Variants in P2RX7 observed in about 807,000 individuals in gnomAD.
The protein encoded by P2RX7 is P2X purinoceptor 7.
A neutral mutation model predicts 71.6 loss-of-function variants in P2RX7; 62 were observed. The ratio of observed to expected loss-of-function variants is 0.87; its 90% confidence interval spans 0.71 to 1.07. P2RX7 has a LOEUF of 1.07. Among genes scored for constraint, P2RX7 ranks in the 50% least tolerant of loss-of-function variants. The pLI is 0.00. For missense variants in P2RX7, 686 were observed against 748.5 expected (o/e 0.92, Z 0.97); for synonymous variants, 299 against 283.3 (o/e 1.06, Z -0.56).
At chr12:121,146,262 C>A (rs1386576082) in intron 1 of P2RX7, among the ~76,000 whole-genome samples, 1 of 150,038 alleles carries the variant, frequency 6.7e-6, no homozygotes, top group Non-Finnish European at 1.5e-5. Flanking sequence ...GTTCACATGA[C>A]CATCCTCTTA....
chr12:121,144,479 T>G (rs1277845990), intron 1 of P2RX7, among the ~76,000 whole-genome samples: 1 of 152,206 alleles, frequency 6.6e-6, no homozygotes, highest in East Asian at 1.9e-4. Context: ...ATTACAGGCA[T>G]GAGCCACTGC....
At chr12:121,162,365 G>C (rs1879902937) in intron 4 of P2RX7, 59 bp from the exon 5 acceptor site, 1 of 1,602,136 alleles carries the variant, frequency 6.2e-7, no homozygotes, top group Non-Finnish European at 8.5e-7. Context: ...CCCTCCTGGA[G>C]AACGTCCTCT....
chr12:121,155,084 C>A, intron 2 of P2RX7, 131 bp downstream of exon 2: 3 of 1,487,200 alleles, frequency 2.0e-6, no homozygotes, highest in Non-Finnish European at 2.7e-6. Context: ...CTGTGAACAT[C>A]CCAACTGAGA....
At chr12:121,151,309 G>A (rs1323720081) in intron 1 of P2RX7, among the ~76,000 whole-genome samples, 2 of 150,958 alleles carry the variant, frequency 1.3e-5, no homozygotes, top group South Asian at 2.1e-4. Context: ...GTGCAGTGGC[G>A]CCATCTCGGC....
At chr12:121,162,581 G>A (rs984369746) in intron 5 of P2RX7, 61 bp downstream of exon 5, 93 of 1,583,098 alleles carry the variant, frequency 5.9e-5, no homozygotes, top group Admixed American at 1.4e-4. Context: ...AGGCCTTGCC[G>A]AGGCTGCTTG....
intron 8 of P2RX7, among the ~76,000 whole-genome samples, chr12:121,169,214 G>A (rs1344842589): frequency 6.6e-6 from 1 of 152,162 alleles, no homozygotes; most frequent in African/African-American, 2.4e-5. Flanking sequence ...CAATCCGCCT[G>A]CCTTGGCCTC....
At chr12:121,150,421 C>T (rs918221197) in intron 1 of P2RX7, among the ~76,000 whole-genome samples, 7 of 152,274 alleles carry the variant, frequency 4.6e-5, no homozygotes, top group Admixed American at 6.5e-5. Context: ...TCCAGGAGAA[C>T]GTTGCAACAT....
intron 1 of P2RX7, among the ~76,000 whole-genome samples, chr12:121,143,677 C>G (rs1875502337): frequency 6.6e-6 from 1 of 152,004 alleles, no homozygotes; most frequent in Non-Finnish European, 1.5e-5. Flanking sequence ...GGGTGAAACC[C>G]CGTCTCTACT....
chr12:121,156,265 G>A, intron 3 of P2RX7, 118 bp downstream of exon 3: 1 of 774,220 alleles, frequency 1.3e-6, no homozygotes, highest in Non-Finnish European at 2.2e-6. Context: ...TATCTACTGA[G>A]CACCTGCCTC....
chr12:121,177,076 C>T, intron 9 of P2RX7, 71 bp from the exon 10 acceptor site: 1 of 1,356,332 alleles, frequency 7.4e-7, no homozygotes, highest in Non-Finnish European at 1.1e-6. Context: ...ATAGAACCAA[C>T]AATTGCACGT....
At chr12:121,140,991 C>A (rs866218805) in intron 1 of P2RX7, among the ~76,000 whole-genome samples, 1 of 152,056 alleles carries the variant, frequency 6.6e-6, no homozygotes, top group Admixed American at 6.6e-5. Context: ...GAGGCTGAGG[C>A]AGGAGAATCA....
At position 121,167,528 on chromosome 12, in the gene P2RX7, T is replaced by TG; in HGVS notation, c.785_786insG (p.Asp263ArgfsTer17). 4 of 1,613,872 alleles carry TG rather than the reference T, an allele frequency of 2.5e-6. No homozygotes were observed. The highest frequency in any genetic ancestry group is 3.4e-6 in the Non-Finnish European group (4 of 1,179,854). The stretch of plus-strand genomic sequence containing the variant: ...ATTGAGATCTACTGGGACTGCAACC[T>TG]AGACCGTTGGTTCCATCACTGCCGT... On this transcript the variant is annotated frameshift_variant, in exon 8 of 13. Coordinates refer to ENST00000328963, the MANE Select transcript of P2RX7 (RefSeq NM_002562.6). LOFTEE classifies it high-confidence loss of function.
chr12:121,166,266 C>T, intron 7 of P2RX7, 79 bp downstream of exon 7: 1 of 1,467,946 alleles, frequency 6.8e-7, no homozygotes, highest in Non-Finnish European at 9.3e-7. Flanking sequence ...GAGGCCGGGC[C>T]ACTGGGTCTT....
intron 1 of P2RX7, among the ~76,000 whole-genome samples, chr12:121,143,332 T>C (rs1593009993): frequency 6.6e-6 from 1 of 151,204 alleles, no homozygotes; most frequent in Non-Finnish European, 1.5e-5. Flanking sequence ...AGGCAGAGGG[T>C]GCAGTGAGCT....
chr12:121,177,244 A>G (rs771234536), intron 10 of P2RX7, 32 bp downstream of exon 10: 24 of 1,614,010 alleles, frequency 1.5e-5, no homozygotes, highest in East Asian at 6.7e-5. Flanking sequence ...GCTTTAGGAA[A>G]ATGGTTTGGA....
At chr12:121,136,023 A>AATATATATATATATATAT (rs1555222078) in intron 1 of P2RX7, among the ~76,000 whole-genome samples, 9 of 15,236 alleles carry the variant, frequency 5.9e-4, no homozygotes, top group East Asian at 3.9e-3. Flanking sequence ...AAAAAAAAAA[A>AATATATATATATATATAT]ATATATATAT....
chr12:121,137,311 C>A (rs770833776), intron 1 of P2RX7, among the ~76,000 whole-genome samples: 13 of 152,148 alleles, frequency 8.5e-5, no homozygotes, highest in Non-Finnish European at 1.9e-4. Context: ...TCAACTCCTT[C>A]ACCTTCACCT....
intron 5 of P2RX7, among the ~76,000 whole-genome samples, chr12:121,163,148 T>C (rs1451665830): frequency 6.6e-6 from 1 of 152,194 alleles, no homozygotes; most frequent in Non-Finnish European, 1.5e-5. Flanking sequence ...ATTCAATTCC[T>C]AGCTCTAACA....
In P2RX7 at chr12:121,132,975, C is replaced by T. The variant is rs750693211; in HGVS notation, c.5C>T (p.Pro2Leu). ...GCAGGGAGGGAGGCTGTCACCATGC[C>T]GGCCTGCTGCAGCTGCAGTGATGTT... M[P>L]ACCSCSDVFQ... The change falls in exon 1 of 13, where the codon CCG (proline) becomes CTG (leucine). Residue 2 changes from proline (P) to leucine (L), a missense_variant. By Grantham distance (98) the Pro-to-Leu change is moderately conservative (BLOSUM62 -3). Coordinates refer to ENST00000328963, the MANE Select transcript of P2RX7 (RefSeq NM_002562.6). 1.4e-5 allele frequency: 23 copies of T among 1,613,396 alleles called. No homozygotes were observed. The Middle Eastern group carries it at 4.9e-4, about 35-fold the overall frequency.
Sources: gnomAD v4.1 joint callset for allele counts (sites outside exome capture counted in the v4.1 genomes callset) on GRCh38, gnomAD v4.1.1 for gene constraint, MANE v1.5 for transcripts, NCBI Gene and HGNC (gene_info 2026-07-23, HGNC 2026-07-21) for gene names.